The following KCNQ3 variants were observed in gnomAD, a reference collection of about 807,000 sequenced individuals.
The protein encoded by KCNQ3 is potassium voltage-gated channel subfamily KQT member 3.
A neutral mutation model predicts 92.5 loss-of-function variants in KCNQ3; 30 were observed. That is an observed-to-expected ratio of 0.32 (90% CI 0.24 to 0.44). KCNQ3 has a LOEUF of 0.44. KCNQ3 is among the 20% of genes least tolerant of loss of function. The pLI, the probability that KCNQ3 is intolerant of heterozygous loss-of-function variation, is 1.00. For synonymous variants in KCNQ3, 450 were observed against 468.8 expected (o/e 0.96, Z 0.52); for missense variants, 913 against 1,140.3 (o/e 0.80, Z 2.87).
Position 132,244,761 on chromosome 8 carries a change from T to G in KCNQ3, c.387-58580A>C, listed in dbSNP as rs1438599766. Among the ~76,000 whole-genome samples the G allele has an allele frequency of 2.6e-5, 4 of 152,258 alleles. No individual in the cohort carries two copies. The South Asian group carries it at 8.3e-4, about 32-fold the overall frequency. ...ATGTCCTCTCTGCTCCCTTTCCAAG[T>G]AAGCACAGAAGCCTAAGGGATACTT... On this transcript the variant is annotated intron_variant, in intron 1 of 14. Coordinates refer to ENST00000388996, the MANE Select transcript of KCNQ3 (RefSeq NM_004519.4).
intron 9 of KCNQ3, among the ~76,000 whole-genome samples, chr8:132,145,508 T>C: frequency 6.6e-6 from 1 of 152,208 alleles, no homozygotes; most frequent in East Asian, 1.9e-4. Context: ...AAGCTAATAT[T>C]TATTCATTCA....
chr8:132,135,878 C>G (rs1369105068), intron 12 of KCNQ3, among the ~76,000 whole-genome samples: 1 of 151,810 alleles, frequency 6.6e-6, no homozygotes, highest in African/African-American at 2.4e-5. Flanking sequence ...CCTGTAATAC[C>G]AGCAGTTTGG....
At chr8:132,190,401 C>T (rs142517095) in intron 1 of KCNQ3, among the ~76,000 whole-genome samples, 12 of 152,084 alleles carry the variant, frequency 7.9e-5, no homozygotes, top group African/African-American at 2.7e-4. Flanking sequence ...GATAGTCATG[C>T]CTGTGATTGT....
chr8:132,405,558 A>G (rs557667047), intron 1 of KCNQ3, among the ~76,000 whole-genome samples: 10 of 152,304 alleles, frequency 6.6e-5, no homozygotes, highest in African/African-American at 2.2e-4. Flanking sequence ...ACCCTGATAA[A>G]GCACCCACTC....
At chr8:132,241,617 T>C (rs112956497) in intron 1 of KCNQ3, among the ~76,000 whole-genome samples, 4,487 of 152,252 alleles carry the variant, frequency 0.029, 251 homozygotes, top group African/African-American at 0.1. Context: ...GCAGATCATC[T>C]GAGGTCAGGA....
intron 1 of KCNQ3, among the ~76,000 whole-genome samples, chr8:132,397,515 A>G (rs888436485): frequency 9.2e-5 from 14 of 152,180 alleles, no homozygotes; most frequent in African/African-American, 3.1e-4. Flanking sequence ...AAAATCTTAT[A>G]TAGGTAAGTG....
intron 1 of KCNQ3, among the ~76,000 whole-genome samples, chr8:132,380,219 C>G (rs529659015): frequency 1.3e-5 from 2 of 152,050 alleles, no homozygotes; most frequent in African/African-American, 2.4e-5. Context: ...TGTCTGCACC[C>G]GGCACACAGC....
At chr8:132,186,974 G>GAA (rs1165239176) in intron 1 of KCNQ3, among the ~76,000 whole-genome samples, 158 of 149,396 alleles carry the variant, frequency 1.1e-3, no homozygotes, top group Admixed American at 4.0e-3. Context: ...GAGAGAGAGA[G>GAA]AGAGAGAGAG....
intron 1 of KCNQ3, among the ~76,000 whole-genome samples, chr8:132,306,316 T>C (rs751670032): frequency 1.3e-5 from 2 of 152,184 alleles, no homozygotes; most frequent in African/African-American, 4.8e-5. Flanking sequence ...ATTAAGCTTT[T>C]ACAACTTCCC....
At chr8:132,332,523 G>A (rs1818259597) in intron 1 of KCNQ3, among the ~76,000 whole-genome samples, 1 of 152,200 alleles carries the variant, frequency 6.6e-6, no homozygotes, top group Non-Finnish European at 1.5e-5. Context: ...TTTGCCATAT[G>A]ATAGTCTTTC....
intron 1 of KCNQ3, among the ~76,000 whole-genome samples, chr8:132,445,921 C>T (rs1821665161): frequency 6.6e-6 from 1 of 152,172 alleles, no homozygotes; most frequent in African/African-American, 2.4e-5. Flanking sequence ...ATCTGTCTGC[C>T]TATTAAACAC....
chr8:132,212,613 G>A (rs901597966), intron 1 of KCNQ3, among the ~76,000 whole-genome samples: 1 of 151,796 alleles, frequency 6.6e-6, no homozygotes, highest in African/African-American at 2.4e-5. Flanking sequence ...TCCATGTCAA[G>A]CAGAAGGCCT....
At chr8:132,421,335 CA>C (rs1490768029) in intron 1 of KCNQ3, among the ~76,000 whole-genome samples, 1 of 152,174 alleles carries the variant, frequency 6.6e-6, no homozygotes, top group African/African-American at 2.4e-5. Context: ...CAGTTCATCA[CA>C]AATTGTTCGA....
chr8:132,272,952 A>G (rs982449722), intron 1 of KCNQ3, among the ~76,000 whole-genome samples: 3 of 152,168 alleles, frequency 2.0e-5, no homozygotes, highest in Non-Finnish European at 4.4e-5. Context: ...ACACAGTCTG[A>G]AGTCTCATCT....
chr8:132,384,667 GT>G (rs528453946), intron 1 of KCNQ3, among the ~76,000 whole-genome samples: 1 of 152,174 alleles, frequency 6.6e-6, no homozygotes, highest in Non-Finnish European at 1.5e-5. Flanking sequence ...AGTTCAAGGA[GT>G]TTTTTAATAT....
chr8:132,281,919 C>G (rs759246956), intron 1 of KCNQ3, among the ~76,000 whole-genome samples: 1 of 152,180 alleles, frequency 6.6e-6, no homozygotes, highest in Non-Finnish European at 1.5e-5. Context: ...CTGGAAACTT[C>G]AACGTGACCT....
intron 1 of KCNQ3, among the ~76,000 whole-genome samples, chr8:132,283,923 T>C (rs1028647329): frequency 6.6e-6 from 1 of 152,148 alleles, no homozygotes; most frequent in Non-Finnish European, 1.5e-5. Flanking sequence ...TTGAAACAAA[T>C]ATTTGTCAGG....
At chr8:132,394,320 C>G (rs941201215) in intron 1 of KCNQ3, among the ~76,000 whole-genome samples, 1 of 152,096 alleles carries the variant, frequency 6.6e-6, no homozygotes. Flanking sequence ...ATGGTTAAGC[C>G]ATGTGTTTTT....
At chr8:132,423,669 A>C (rs143147266) in intron 1 of KCNQ3, among the ~76,000 whole-genome samples, 1 of 152,322 alleles carries the variant, frequency 6.6e-6, no homozygotes, top group East Asian at 1.9e-4. Flanking sequence ...GCAGTTGGGT[A>C]AACTGGAGTT....
Sources: gnomAD v4.1 joint callset for allele counts (sites outside exome capture counted in the v4.1 genomes callset) on GRCh38, gnomAD v4.1.1 for gene constraint, MANE v1.5 for transcripts, NCBI Gene and HGNC (gene_info 2026-07-23, HGNC 2026-07-21) for gene names.